Variants in SMIM27 observed in about 807,000 individuals in gnomAD.
SMIM27 encodes the protein TOPORS antisense RNA 1 (non-protein coding).
A neutral mutation model predicts 1.8 loss-of-function variants in SMIM27; 3 were observed. That is an observed-to-expected ratio of 1.65 (90% CI 0.75 to 4.28). SMIM27 has a LOEUF of 4.28. Among genes scored for constraint, SMIM27 ranks in the 30% most tolerant of loss-of-function variants. The probability of loss-of-function intolerance (pLI) is 0.02; values close to 1 mark genes in which losing one functional copy is unlikely to be tolerated. For synonymous variants in SMIM27, 19 were observed against 13.9 expected, an observed-to-expected ratio of 1.37 and a Z score of -0.82; for missense variants, 63 against 37.0, an observed-to-expected ratio of 1.70 and a Z score of -1.83.
upstream of SMIM27, chr9:32,551,335 G>A (rs1821253313): frequency 5.1e-6 from 2 of 392,320 alleles, no homozygotes; most frequent in African/African-American, 2.1e-5. Flanking sequence ...CTAGATAGGG[G>A]AATTGTTAGA....
intron 1 of SMIM27, among the ~76,000 whole-genome samples, chr9:32,562,581 A>C (rs551183605): frequency 8.5e-5 from 13 of 152,316 alleles, no homozygotes; most frequent in African/African-American, 3.1e-4. Flanking sequence ...AACTTACATA[A>C]AGCTGCAAGA....
chr9:32,562,790 A>G (rs1187031567), intron 1 of SMIM27, among the ~76,000 whole-genome samples: 1 of 152,210 alleles, frequency 6.6e-6, no homozygotes, highest in Non-Finnish European at 1.5e-5. Flanking sequence ...TGTCTCAATA[A>G]TTGTTTGGAC....
At chr9:32,563,830 A>G (rs991705687) in intron 1 of SMIM27, among the ~76,000 whole-genome samples, 1 of 152,146 alleles carries the variant, frequency 6.6e-6, no homozygotes, top group Admixed American at 6.5e-5. Flanking sequence ...TACTATCATT[A>G]TTTACTTTGA....
intron 1 of SMIM27, among the ~76,000 whole-genome samples, chr9:32,564,293 TC>T (rs1330335219): frequency 1.3e-5 from 2 of 152,192 alleles, no homozygotes; most frequent in Non-Finnish European, 2.9e-5. Context: ...GCAGTGAGAA[TC>T]CTGTGTCCCT....
At chr9:32,552,549 C>T in intron 1 of SMIM27, 70 bp downstream of exon 1, 1 of 1,394,744 alleles carries the variant, frequency 7.2e-7, no homozygotes, top group Non-Finnish European at 1.0e-6. Context: ...GGCCCTATTT[C>T]TTCAGCACCC....
At chr9:32,556,559 C>T (rs1182476047), downstream of SMIM27, among the ~76,000 whole-genome samples, 5 of 152,104 alleles carry the variant, frequency 3.3e-5, no homozygotes, top group African/African-American at 4.8e-5. Context: ...TTCTTCAGTT[C>T]CTCAAAGGGG....
At position 32,560,805 on chromosome 9, in the gene SMIM27, C is replaced by A. The variant is rs114949985; in HGVS notation, c.46-5586C>A. Among the ~76,000 whole-genome samples the A allele has an allele frequency of 4.7e-3, 721 of 152,164 alleles. 8 individuals carry two copies. The highest frequency in any genetic ancestry group is 0.017 in the African/African-American group (691 of 41,512). On this transcript the variant is annotated intron_variant, in intron 1 of 1. Transcript: ENST00000451672. ...GATAGTAAAAACAAAGGAGATTATT[C>A]TTATTTTACTAGATGCATAGTTTAA...
intron 1 of SMIM27, among the ~76,000 whole-genome samples, chr9:32,563,295 A>G (rs551232717): frequency 3.9e-5 from 6 of 152,184 alleles, no homozygotes; most frequent in Admixed American, 1.3e-4. Context: ...TATTTTGAGG[A>G]TAAGTATTTT....
intron 1 of SMIM27, among the ~76,000 whole-genome samples, chr9:32,560,823 T>C (rs1821604190): frequency 6.6e-6 from 1 of 152,208 alleles, no homozygotes; most frequent in South Asian, 2.1e-4. Context: ...ACTAGATGCA[T>C]AGTTTAATAG....
chr9:32,552,222 CCTCT>C (rs981183838), upstream of SMIM27: 3 of 642,906 alleles, frequency 4.7e-6, no homozygotes, highest in South Asian at 1.8e-5. Flanking sequence ...CGTTTATTCC[CCTCT>C]CTAAAAGGCG....
chr9:32,552,575 C>T, intron 1 of SMIM27, 96 bp downstream of exon 1: 5 of 1,107,420 alleles, frequency 4.5e-6, no homozygotes, highest in Non-Finnish European at 5.4e-6. Context: ...CTCCAAAATC[C>T]ATTCCTGAAT....
chr9:32,558,719 A>G (rs1464161341), intron 1 of SMIM27, among the ~76,000 whole-genome samples: 1 of 152,142 alleles, frequency 6.6e-6, no homozygotes, highest in Non-Finnish European at 1.5e-5. Flanking sequence ...TTTGAACTGT[A>G]ATTGTTACCT....
chr9:32,552,085 A>C (rs1220209588), upstream of SMIM27: 6 of 489,434 alleles, frequency 1.2e-5, no homozygotes, highest in Non-Finnish European at 2.2e-5. Flanking sequence ...ATTAACTTTT[A>C]AATGGACACG....
chr9:32,558,849 G>T (rs878938649), intron 1 of SMIM27: 2 of 1,161,970 alleles, frequency 1.7e-6, no homozygotes, highest in South Asian at 3.0e-5. Context: ...TGCTTGGAAA[G>T]GGAGGAAAAG....
chr9:32,554,905 A>C (rs1300447235), downstream of SMIM27, among the ~76,000 whole-genome samples: 1 of 152,192 alleles, frequency 6.6e-6, no homozygotes, highest in Non-Finnish European at 1.5e-5. Context: ...AATGAACTTG[A>C]GGTTCTAGAA....
intron 1 of SMIM27, chr9:32,565,394 T>C (rs1234438476): frequency 6.6e-6 from 1 of 152,172 alleles, no homozygotes; most frequent in Non-Finnish European, 1.5e-5. Context: ...TTTGGGCATT[T>C]AGAACAGTCA....
chr9:32,553,818 A>T, downstream of SMIM27: 2 of 1,104,144 alleles, frequency 1.8e-6, no homozygotes, highest in Non-Finnish European at 2.7e-6. Flanking sequence ...AATTCAGTAA[A>T]TATGGTAATA....
At chr9:32,560,126 G>C in intron 1 of SMIM27, among the ~76,000 whole-genome samples, 1 of 152,200 alleles carries the variant, frequency 6.6e-6, no homozygotes, top group East Asian at 1.9e-4. Flanking sequence ...AATTCAATTA[G>C]GCAGCAAAGG....
chr9:32,553,735 C>A, downstream of SMIM27: 1 of 629,408 alleles, frequency 1.6e-6, no homozygotes, highest in Non-Finnish European at 2.8e-6. Flanking sequence ...TACTCAGTCT[C>A]AAATTGTACA....
Sources: gnomAD v4.1 joint callset for allele counts (sites outside exome capture counted in the v4.1 genomes callset) on GRCh38, gnomAD v4.1.1 for gene constraint, MANE v1.5 for transcripts, NCBI Gene and HGNC (gene_info 2026-07-23, HGNC 2026-07-21) for gene names.